The following NTAQ1 variants were observed in gnomAD, a reference collection of about 807,000 sequenced individuals.
NTAQ1 encodes N-terminal glutamine amidase 1.
In NTAQ1, 21 loss-of-function variants were observed where a neutral mutation model predicts 28.2. That is an observed-to-expected ratio of 0.74 (90% confidence interval 0.53 to 1.07). The LOEUF (loss-of-function observed/expected upper bound fraction) is 1.07. Ranked by LOEUF, NTAQ1 falls within the 50% of genes least tolerant of loss-of-function variation. The pLI is 0.00. For synonymous variants in NTAQ1, 105 were observed against 90.0 expected (o/e 1.17, Z -0.94); for missense variants, 264 against 256.6 (o/e 1.03, Z -0.20).
chr8:123,446,974 G>A (rs973444729), downstream of NTAQ1, among the ~76,000 whole-genome samples: 1 of 152,106 alleles, frequency 6.6e-6, no homozygotes, highest in Non-Finnish European at 1.5e-5. Context: ...GATTGCCGCC[G>A]AGCTGGGGGT....
At chr8:123,435,640 G>A (rs915318806) in intron 3 of NTAQ1, 15 of 601,396 alleles carry the variant, frequency 2.5e-5, no homozygotes, top group East Asian at 1.4e-4. Flanking sequence ...GCTGAGGCGG[G>A]GGGATCACTT....
intron 6 of NTAQ1, among the ~76,000 whole-genome samples, chr8:123,454,565 T>C (rs1359231918): frequency 3.3e-5 from 5 of 152,110 alleles, no homozygotes; most frequent in African/African-American, 1.2e-4. Flanking sequence ...AGACGGGGTT[T>C]CTCCATGTTG....
chr8:123,418,690 A>T (rs1487149060), intron 1 of NTAQ1, among the ~76,000 whole-genome samples: 1 of 152,162 alleles, frequency 6.6e-6, no homozygotes, highest in Non-Finnish European at 1.5e-5. Context: ...CTGAGAAGGA[A>T]TGGTGCTGTG....
At chr8:123,465,169 A>T (rs914699487) in intron 6 of NTAQ1, among the ~76,000 whole-genome samples, 1 of 152,170 alleles carries the variant, frequency 6.6e-6, no homozygotes, top group Non-Finnish European at 1.5e-5. Context: ...TGTACCCTTC[A>T]TCTGGCTTTC....
At chr8:123,436,388 G>A (rs1814711761) in intron 3 of NTAQ1, 65 bp from the exon 4 acceptor site, 6 of 1,530,432 alleles carry the variant, frequency 3.9e-6, no homozygotes, top group Admixed American at 3.5e-5. Context: ...TAAGGTATGT[G>A]TCTGAATACT....
downstream of NTAQ1, among the ~76,000 whole-genome samples, chr8:123,444,048 A>G (rs984186925): frequency 8.3e-6 from 1 of 120,606 alleles, no homozygotes; most frequent in Admixed American, 8.5e-5. Context: ...TTCTATTTAA[A>G]CTTTTTCTTT....
downstream of NTAQ1, among the ~76,000 whole-genome samples, chr8:123,452,823 C>T (rs1034810282): frequency 3.3e-5 from 5 of 151,758 alleles, no homozygotes; most frequent in African/African-American, 9.7e-5. Flanking sequence ...AGGAGAATTG[C>T]TTGAACCCGG....
At chr8:123,443,542 G>T (rs769211021), downstream of NTAQ1, among the ~76,000 whole-genome samples, 31 of 152,296 alleles carry the variant, frequency 2.0e-4, no homozygotes, top group Non-Finnish European at 3.1e-4. Flanking sequence ...GGGCTTGCCT[G>T]CTCTGTATCA....
intron 6 of NTAQ1, among the ~76,000 whole-genome samples, chr8:123,458,684 C>T (rs1385312751): frequency 4.0e-5 from 6 of 151,114 alleles, no homozygotes; most frequent in Non-Finnish European, 7.4e-5. Flanking sequence ...TGCAACGGCG[C>T]GATCTCGGCT....
chr8:123,449,893 A>G (rs866081323), downstream of NTAQ1, among the ~76,000 whole-genome samples: 6 of 82,754 alleles, frequency 7.3e-5, no homozygotes, highest in South Asian at 4.1e-4. Context: ...CTCTCTCTCT[A>G]TCTCTCCATA....
At chr8:123,445,906 C>G (rs115760492), downstream of NTAQ1, among the ~76,000 whole-genome samples, 1,157 of 152,128 alleles carry the variant, frequency 7.6e-3, 10 homozygotes, top group African/African-American at 0.026. Flanking sequence ...TCACCCACCC[C>G]CAAGATGAAT....
intron 3 of NTAQ1, among the ~76,000 whole-genome samples, chr8:123,431,472 G>A (rs1814389850): frequency 6.6e-6 from 1 of 152,108 alleles, no homozygotes; most frequent in Non-Finnish European, 1.5e-5. Flanking sequence ...CATTTGATTG[G>A]CTTCGCTCAT....
intron 1 of NTAQ1, among the ~76,000 whole-genome samples, chr8:123,424,489 G>A (rs956775351): frequency 2.0e-5 from 3 of 152,028 alleles, no homozygotes; most frequent in African/African-American, 2.4e-5. Context: ...TGATCCACCC[G>A]CTTCGGCCTC....
chr8:123,420,077 C>G (rs1813586226), intron 1 of NTAQ1, among the ~76,000 whole-genome samples: 1 of 152,010 alleles, frequency 6.6e-6, no homozygotes, highest in African/African-American at 2.4e-5. Context: ...ACCCTCTACC[C>G]TCAAGTAGGC....
chr8:123,446,475 G>C (rs1020632134), downstream of NTAQ1, among the ~76,000 whole-genome samples: 3 of 152,216 alleles, frequency 2.0e-5, no homozygotes, highest in Non-Finnish European at 4.4e-5. Context: ...GTGTGGCTGA[G>C]CTCCAATAAA....
chr8:123,459,540 C>T (rs1241610940), intron 6 of NTAQ1, among the ~76,000 whole-genome samples: 1 of 152,128 alleles, frequency 6.6e-6, no homozygotes, highest in African/African-American at 2.4e-5. Flanking sequence ...TGAGCAGCCC[C>T]TGTCCAGGAG....
At chr8:123,454,614 G>A (rs1586965641) in intron 6 of NTAQ1, among the ~76,000 whole-genome samples, 1 of 152,132 alleles carries the variant, frequency 6.6e-6, no homozygotes, top group Admixed American at 6.6e-5. Flanking sequence ...AGGTGTAGCA[G>A]TCGGAGATGC....
At chr8:123,461,595 G>T (rs2130425644) in intron 6 of NTAQ1, among the ~76,000 whole-genome samples, 1 of 152,280 alleles carries the variant, frequency 6.6e-6, no homozygotes. Flanking sequence ...CTGCTATAAT[G>T]ACACCCTAGG....
At chr8:123,450,519 C>T (rs1392880021), downstream of NTAQ1, among the ~76,000 whole-genome samples, 1 of 142,694 alleles carries the variant, frequency 7.0e-6, no homozygotes, top group Admixed American at 7.3e-5. Flanking sequence ...GAACGAATTA[C>T]CCATTTCTGC....
Sources: gnomAD v4.1 joint callset for allele counts (sites outside exome capture counted in the v4.1 genomes callset) on GRCh38, gnomAD v4.1.1 for gene constraint, MANE v1.5 for transcripts, NCBI Gene and HGNC (gene_info 2026-07-23, HGNC 2026-07-21) for gene names.